Variants in UBE2Q2 observed in about 807,000 individuals in gnomAD.
The protein encoded by UBE2Q2 is ubiquitin conjugating enzyme E2 Q2.
Under a neutral mutation model 59.9 loss-of-function variants are expected in UBE2Q2, and 54 were observed. That is an observed-to-expected ratio of 0.90 (90% CI 0.72 to 1.13). The LOEUF is 1.13. Ranked by LOEUF, UBE2Q2 falls within the 50% of genes most tolerant of loss-of-function variation. UBE2Q2 has a pLI of 0.00. For missense variants in UBE2Q2, 433 were observed against 441.9 expected (o/e 0.98, Z 0.18); for synonymous variants, 165 against 155.2 (o/e 1.06, Z -0.47).
At chr15:75,870,242 A>T (rs886219874) in intron 4 of UBE2Q2, among the ~76,000 whole-genome samples, 8 of 152,028 alleles carry the variant, frequency 5.3e-5, no homozygotes, top group African/African-American at 1.2e-4. Context: ...TTTTAAAAAA[A>T]TTTTTGTAGA....
At chr15:75,854,358 G>T (rs1896794056) in intron 1 of UBE2Q2, 28 bp from the exon 2 acceptor site, 3 of 1,572,696 alleles carry the variant, frequency 1.9e-6, no homozygotes, top group Non-Finnish European at 1.7e-6. Flanking sequence ...GTATGTAAAT[G>T]TTTAACATGT....
intron 1 of UBE2Q2, chr15:75,844,480 C>G (rs1454976764): frequency 9.0e-6 from 14 of 1,551,208 alleles, no homozygotes; most frequent in East Asian, 2.4e-5. Flanking sequence ...ACCGTCGTTG[C>G]GGCAGGTGGT....
At chr15:75,876,161 G>A (rs1898067860) in intron 5 of UBE2Q2, 26 bp from the exon 6 acceptor site, 1 of 1,611,088 alleles carries the variant, frequency 6.2e-7, no homozygotes, top group Non-Finnish European at 8.5e-7. Flanking sequence ...AGCAGACCCT[G>A]GTAAACAGTG....
In UBE2Q2 at chr15:75,868,952, A is replaced by G; in HGVS notation, c.389A>G (p.Asn130Ser). 1.2e-6 allele frequency: 2 copies of G among 1,612,832 alleles called. No individual in the cohort carries two copies. Among genetic ancestry groups the G allele is most frequent in the South Asian group, 2.2e-5 (2 of 91,046 alleles). The change falls in exon 4 of 13, where the codon AAT (asparagine) becomes AGT (serine). Residue 130 changes from asparagine to serine, a missense_variant and splice_region_variant. Asn to Ser is a conservative substitution (Grantham distance 46). Coordinates refer to ENST00000267938, the MANE Select transcript of UBE2Q2 (RefSeq NM_173469.4). ...MLDQPLPTGQ[N>S]GTTEEVTSEE... ...TGGCAGATTCTTTCTCTGTTTCAGAATGGGACAACAGAAGAAGTGACTTCA... is the reference window on the plus strand; with the variant it reads ...TGGCAGATTCTTTCTCTGTTTCAGAGTGGGACAACAGAAGAAGTGACTTCA...
At chr15:75,853,749 T>C (rs1012513198) in intron 1 of UBE2Q2, among the ~76,000 whole-genome samples, 2 of 152,128 alleles carry the variant, frequency 1.3e-5, no homozygotes, top group African/African-American at 4.8e-5. Flanking sequence ...AAGTTGTTGG[T>C]GGCAGCTGTG....
intron 8 of UBE2Q2, among the ~76,000 whole-genome samples, chr15:75,882,268 GTC>G (rs1468929718): frequency 6.6e-6 from 1 of 152,140 alleles, no homozygotes; most frequent in Non-Finnish European, 1.5e-5. Flanking sequence ...GAGTCTGAGA[GTC>G]TGTTTCTGAG....
intron 11 of UBE2Q2, 30 bp from the exon 12 acceptor site, chr15:75,896,963 CTT>C: frequency 7.1e-7 from 1 of 1,403,456 alleles, no homozygotes; most frequent in South Asian, 1.3e-5. Context: ...CCTAATTACA[CTT>C]TTGATTTAAA....
chr15:75,846,176 A>G (rs923300727), intron 1 of UBE2Q2, among the ~76,000 whole-genome samples: 2 of 152,224 alleles, frequency 1.3e-5, no homozygotes, highest in Non-Finnish European at 2.9e-5. Flanking sequence ...CAGATTCCAG[A>G]CAGATCACTT....
In UBE2Q2 at chr15:75,897,041, T is replaced by G; in HGVS notation, c.1076T>G (p.Val359Gly). The change falls in exon 12 of 13, where the codon GTA (valine) becomes GGA (glycine). Residue 359 changes from valine to glycine, a missense_variant. By Grantham distance (109) the Val-to-Gly change is moderately radical (BLOSUM62 -3). Coordinates refer to ENST00000267938, the MANE Select transcript of UBE2Q2 (RefSeq NM_173469.4). ...GCCCAACAATCCTATAATTCCATTG[T>G]ACAGATACATGAGAAAAATGGTATG... Reference protein sequence around the residue: ...ARAQQSYNSIVQIHEKNGWYT... With the variant: ...ARAQQSYNSIGQIHEKNGWYT... The G allele has an allele frequency of 6.4e-7, 1 of 1,569,698 alleles. No individual in the cohort carries two copies. The highest frequency in any genetic ancestry group is 8.7e-7 in the Non-Finnish European group (1 of 1,155,520).
chr15:75,843,765 G>A lies in UBE2Q2; in HGVS notation c.99G>A (p.Glu33=), dbSNP rs558774302. 20 of 1,610,604 alleles carry A rather than the reference G, an allele frequency of 1.2e-5. 1 individual carries two copies. The South Asian group carries it at 1.7e-4, about 13-fold the overall frequency. ...GCATCGTCAGTTGGAAGCTGGACGA[G>A]CTGCACTGCCAGTTCCTGGTGCCGC... is the stretch of plus-strand genomic sequence containing the variant. ...RFRIVSWKLD[E]LHCQFLVPQQ... The change falls in exon 1 of 13, where the codon GAG becomes GAA. Residue 33 remains glutamate (E), a synonymous_variant. Transcript: ENST00000267938.
intron 1 of UBE2Q2, chr15:75,844,336 T>G (rs1896203040): frequency 2.2e-5 from 34 of 1,549,920 alleles, no homozygotes; most frequent in Non-Finnish European, 3.0e-5. Context: ...TAAGTTTGCG[T>G]TTAAGGAGAA....
chr15:75,857,013 C>A (rs1896954110), intron 2 of UBE2Q2, among the ~76,000 whole-genome samples: 1 of 151,884 alleles, frequency 6.6e-6, no homozygotes, highest in Non-Finnish European at 1.5e-5. Flanking sequence ...GTAATCCCAG[C>A]ACTTTGGGAG....
chr15:75,897,410 C>T (rs912450978), intron 12 of UBE2Q2, among the ~76,000 whole-genome samples: 3 of 151,244 alleles, frequency 2.0e-5, no homozygotes, highest in East Asian at 1.9e-4. Flanking sequence ...TAGTAGAGAC[C>T]GGGTTTCCCT....
chr15:75,872,224 T>C (rs113714831), intron 4 of UBE2Q2, among the ~76,000 whole-genome samples: 1,783 of 150,856 alleles, frequency 0.012, 28 homozygotes, highest in African/African-American at 0.041. Context: ...CGAGACTCCA[T>C]CTCAAAAAAT....
At chr15:75,884,592 T>C (rs1595891537) in intron 9 of UBE2Q2, among the ~76,000 whole-genome samples, 2 of 152,200 alleles carry the variant, frequency 1.3e-5, no homozygotes, top group Non-Finnish European at 2.9e-5. Flanking sequence ...TTTTAACCTT[T>C]CGTATTACAT....
chr15:75,878,739 C>A (rs974805989), intron 7 of UBE2Q2, among the ~76,000 whole-genome samples: 1 of 151,150 alleles, frequency 6.6e-6, no homozygotes, highest in African/African-American at 2.4e-5. Flanking sequence ...GCAAACTTTT[C>A]TCCTTGAACC....
At chr15:75,854,256 A>G in intron 1 of UBE2Q2, 130 bp from the exon 2 acceptor site, 1 of 594,966 alleles carries the variant, frequency 1.7e-6, no homozygotes, top group East Asian at 3.1e-5. Flanking sequence ...AAGGTTTTTA[A>G]TATGTTGCCT....
chr15:75,869,084 T>G (rs891459361), intron 4 of UBE2Q2, 74 bp downstream of exon 4: 2 of 1,218,434 alleles, frequency 1.6e-6, no homozygotes, highest in African/African-American at 3.0e-5. Flanking sequence ...TCAAATCTTT[T>G]TTATAGACTA....
intron 3 of UBE2Q2, among the ~76,000 whole-genome samples, chr15:75,861,282 T>G (rs941108450): frequency 6.6e-6 from 1 of 152,246 alleles, no homozygotes; most frequent in African/African-American, 2.4e-5. Flanking sequence ...TAATTTTACC[T>G]TAGAATTTCA....
Sources: allele counts gnomAD v4.1 joint callset (sites outside exome capture counted in the v4.1 genomes callset), GRCh38; gene constraint gnomAD v4.1.1; transcripts MANE v1.5; gene names NCBI Gene and HGNC (gene_info 2026-07-23, HGNC 2026-07-21).